Variants in LRP4 observed in about 807,000 individuals in gnomAD.
The protein encoded by LRP4 is low-density lipoprotein receptor-related protein 4.
LRP4 carries 95 observed loss-of-function variants against 220.3 expected under a neutral mutation model. That is an observed-to-expected ratio of 0.43 (90% CI 0.37 to 0.51). The LOEUF (loss-of-function observed/expected upper bound fraction) is 0.51. LRP4 is among the 20% of genes least tolerant of loss of function. LRP4 has a pLI of 0.00. For synonymous variants in LRP4, 903 were observed against 954.6 expected, an observed-to-expected ratio of 0.95 and a Z score of 1.00; for missense variants, 1,925 against 2,567.0, an observed-to-expected ratio of 0.75 and a Z score of 5.40.
At chr11:46,916,574 C>G (rs1028877971) in intron 1 of LRP4, among the ~76,000 whole-genome samples, 1 of 150,806 alleles carries the variant, frequency 6.6e-6, no homozygotes, top group African/African-American at 2.4e-5. Flanking sequence ...ATATTTGCAG[C>G]GTTGACAGCT....
intron 28 of LRP4, chr11:46,874,351 G>C (rs185555422): frequency 5.9e-6 from 1 of 170,016 alleles, no homozygotes; most frequent in Non-Finnish European, 1.3e-5. Flanking sequence ...GCTGTGTTAG[G>C]GCCACAAATT....
chr11:46,869,980 C>G (rs1314540998), intron 31 of LRP4, among the ~76,000 whole-genome samples: 1 of 152,094 alleles, frequency 6.6e-6, no homozygotes, highest in African/African-American at 2.4e-5. Context: ...GTGGCACGCA[C>G]CTGTAATCCC....
chr11:46,868,229 G>T, intron 33 of LRP4, 115 bp from the exon 34 acceptor site: 1 of 1,232,956 alleles, frequency 8.1e-7, no homozygotes, highest in Non-Finnish European at 1.2e-6. Context: ...CTAGTCCCAG[G>T]CACCTTCATT....
In LRP4 at chr11:46,896,182, GCCAGGTCCGC is replaced by G. The variant is rs1565797470; in HGVS notation, c.1048+18_1048+27del. On this transcript the variant is annotated intron_variant, in intron 9 of 37. Transcript: ENST00000378623. ...GGTGGGGTTCGGCCACAAACCATGG[GCCAGGTCCGC>G]CCACTGGGGACACTCACGGCAATTC... 1 of 1,612,864 alleles carries G rather than the reference GCCAGGTCCGC, an allele frequency of 6.2e-7. No individual in the cohort carries two copies. The highest frequency in any genetic ancestry group is 1.7e-5 in the Admixed American group (1 of 60,014).
Position 46,859,201 on chromosome 11 carries a change from C to G in LRP4, c.5500G>C (p.Gly1834Arg), listed in dbSNP as rs142462686. 22 of 1,614,054 alleles carry G rather than the reference C, an allele frequency of 1.4e-5. No individual in the cohort carries two copies. Among genetic ancestry groups the G allele is most frequent in the South Asian group, 1.1e-4 (10 of 91,088 alleles). The change falls in exon 38 of 38, where the codon GGG becomes CGG. Residue 1834 changes from glycine (G) to arginine (R), a missense_variant. Physicochemically the swap from Gly to Arg is moderately radical, Grantham distance 125. Transcript: ENST00000378623. ...CATACATGATCCCGGAGGAGGCCCC[C>G]CCGTGAGCTTCGCAGTTGCTTGAGG... ...DDLKQLRSSR[G>R]GLLRDHVCMK...
chr11:46,867,063 T>C (rs1420252864), intron 34 of LRP4, among the ~76,000 whole-genome samples: 1 of 152,250 alleles, frequency 6.6e-6, no homozygotes, highest in Non-Finnish European at 1.5e-5. Flanking sequence ...TCAATAGCAT[T>C]TCACATTTGC....
Position 46,873,127 on chromosome 11 carries a change from C to G in LRP4, c.4556G>C (p.Gly1519Ala). The change falls in exon 30 of 38, where the codon GGC becomes GCC. Residue 1519 changes from glycine (G) to alanine (A), a missense_variant. By Grantham distance (60) the Gly-to-Ala change is moderately conservative. Coordinates refer to ENST00000378623, the MANE Select transcript of LRP4 (RefSeq NM_002334.4). This position sits in a 1 kb window ranked among gnomAD's most constrained non-coding sequence, Gnocchi z 4.2. ...LINTDLGWPN[G>A]LTLDYDTRRI... is the part of the protein sequence containing the mutation. ...GCGGGTATCATAGTCCAGGGTAAGGCCATTGGGCCAACCCAGGTCTGTGTT... is the reference window on the plus strand; with the variant it reads ...GCGGGTATCATAGTCCAGGGTAAGGGCATTGGGCCAACCCAGGTCTGTGTT... 1 of 1,614,198 alleles carries G rather than the reference C, an allele frequency of 6.2e-7. No homozygotes were observed. The highest frequency in any genetic ancestry group is 1.6e-4 in the Middle Eastern group (1 of 6,062).
chr11:46,885,145 C>T lies in LRP4; in HGVS notation c.2506+946G>A, dbSNP rs554322238. Reference sequence around the variant, plus strand: ...GGACTACAGGTATGTGCCATTACACCAGGCTAATTAAAAAAAAAAATTGGG... The same window carrying T: ...GGACTACAGGTATGTGCCATTACACTAGGCTAATTAAAAAAAAAAATTGGG... On this transcript the variant is annotated intron_variant, in intron 18 of 37. Transcript: ENST00000378623. Among the ~76,000 whole-genome samples the T allele has an allele frequency of 2.6e-5, 4 of 152,058 alleles. No homozygotes were observed. In the East Asian group the frequency reaches 7.8e-4, roughly 30 times the overall value.
chr11:46,911,999 C>A (rs1392417579), intron 1 of LRP4, among the ~76,000 whole-genome samples: 1 of 152,152 alleles, frequency 6.6e-6, no homozygotes, highest in Non-Finnish European at 1.5e-5. Flanking sequence ...AGACTATAGG[C>A]ATGTGCCACC....
rs373096693 is a variant in LRP4, at chr11:46,885,903, G to A, written c.2506+188C>T. Among the ~76,000 whole-genome samples, 4 of 152,146 alleles carry A rather than the reference G, an allele frequency of 2.6e-5. No individual in the cohort carries two copies. In the South Asian group the frequency reaches 6.2e-4, roughly 24 times the overall value. On this transcript the variant is annotated intron_variant, in intron 18 of 37. Coordinates refer to ENST00000378623, the MANE Select transcript of LRP4 (RefSeq NM_002334.4). ...ACACAGCAGAAGCAGCTGCCACAATGTGAGCTTCTCACGTGGGAGCTTCTC... is the reference window on the plus strand; with the variant it reads ...ACACAGCAGAAGCAGCTGCCACAATATGAGCTTCTCACGTGGGAGCTTCTC...
At chr11:46,879,624 G>A (rs1057293935) in intron 20 of LRP4, among the ~76,000 whole-genome samples, 13 of 152,156 alleles carry the variant, frequency 8.5e-5, no homozygotes, top group African/African-American at 3.1e-4. Context: ...CAACTTTACA[G>A]TGGACACTAC....
In LRP4 at chr11:46,869,116, T is replaced by C; in HGVS notation, c.4709A>G (p.Tyr1570Cys). The C allele has an allele frequency of 6.2e-7, 1 of 1,614,156 alleles. No homozygotes were observed. The highest frequency in any genetic ancestry group is 8.5e-7 in the Non-Finnish European group (1 of 1,180,018). ...FALTQQDRWI[Y>C]WTDWQTKSIQ... The stretch of plus-strand genomic sequence containing the variant: ...TGACTTGGTCTGCCAGTCTGTCCAG[T>C]AGATCCACCTGTCTTGCTACTCAAC... The change falls in exon 32 of 38, where the codon TAC (tyrosine) becomes TGC (cysteine). Residue 1570 changes from tyrosine to cysteine, a missense_variant. This residue lies in a region of LRP4 where 1,244 missense variants were observed against 1,624.9 expected (regional missense o/e 0.77). Coordinates refer to ENST00000378623, the MANE Select transcript of LRP4 (RefSeq NM_002334.4).
rs7119251 is a variant in LRP4, at chr11:46,877,044, G to A, written c.3277+155C>T. Among the ~76,000 whole-genome samples, 151,411 of 152,298 alleles carry A rather than the reference G, an allele frequency of 0.99. 75,272 individuals are homozygous for A. The highest frequency in any genetic ancestry group is 1 in the Middle Eastern group (294 of 294). ...AACCATGCTCTCACAACCAAAGAGAGAGTGCTAGAGAGACAGGGACAGGGG... is the reference window on the plus strand; with the variant it reads ...AACCATGCTCTCACAACCAAAGAGAAAGTGCTAGAGAGACAGGGACAGGGG... On this transcript the variant is annotated intron_variant, in intron 23 of 37. Coordinates refer to ENST00000378623, the MANE Select transcript of LRP4 (RefSeq NM_002334.4).
At chr11:46,883,744 C>T in intron 19 of LRP4, 127 bp downstream of exon 19, 2 of 723,220 alleles carry the variant, frequency 2.8e-6, no homozygotes, top group South Asian at 1.8e-5. Context: ...CTGGTTTCTA[C>T]AGCTGCTCTT....
intron 35 of LRP4, 135 bp from the exon 36 acceptor site, chr11:46,864,670 C>A: frequency 2.8e-6 from 2 of 702,210 alleles, no homozygotes; most frequent in Non-Finnish European, 5.2e-6. Context: ...TAAGGGCCTC[C>A]TTTTCAGATA....
intron 31 of LRP4, among the ~76,000 whole-genome samples, chr11:46,869,666 A>C (rs1483760768): frequency 6.6e-6 from 1 of 151,248 alleles, no homozygotes. Context: ...AGGGAGGGGC[A>C]ATGAAGGTGT....
intron 1 of LRP4, among the ~76,000 whole-genome samples, chr11:46,911,323 C>T (rs1051741786): frequency 6.6e-6 from 1 of 152,244 alleles, no homozygotes; most frequent in African/African-American, 2.4e-5. Flanking sequence ...CAACAGATTT[C>T]ACAAATCCAA....
chr11:46,902,755 C>T (rs755392347), intron 2 of LRP4, 28 bp downstream of exon 2: 2 of 1,613,524 alleles, frequency 1.2e-6, no homozygotes, highest in African/African-American at 2.7e-5. Context: ...TCTCCACCAC[C>T]TCCCACTGCC....
At position 46,885,951 on chromosome 11, in the gene LRP4, C is replaced by T. The variant is rs1406801833; in HGVS notation, c.2506+140G>A. 12 of 770,988 alleles carry T rather than the reference C, an allele frequency of 1.6e-5. No individual in the cohort carries two copies. In the Admixed American group the frequency reaches 2.2e-4, roughly 14 times the overall value. The allele number at this position is 770,988 out of a possible 1,614,324, so 47.8% of individuals were successfully genotyped here. A position where few individuals can be genotyped will look rare whatever the true frequency, so the allele number is the denominator to read the frequency against. ...CTCACTTCGGCTCTGCAGCAGCCCT[C>T]CGGCTTCTGACCTACCAAGGACTTG... On this transcript the variant is annotated intron_variant, in intron 18 of 37. Transcript: ENST00000378623.
Sources: gnomAD v4.1 joint callset for allele counts (sites outside exome capture counted in the v4.1 genomes callset) on GRCh38, gnomAD v4.1.1 for gene constraint, gnomAD v4.1.1 regional missense constraint, Gnocchi (gnomAD v3.1) non-coding constraint, MANE v1.5 for transcripts, NCBI Gene and HGNC (gene_info 2026-07-23, HGNC 2026-07-21) for gene names.